The following SRD5A1 variants were observed in gnomAD, a reference collection of about 807,000 sequenced individuals.
SRD5A1 encodes steroid 5 alpha-reductase 1.
Under a neutral mutation model 28.2 loss-of-function variants are expected in SRD5A1, and 22 were observed. That is an observed-to-expected ratio of 0.78 (90% CI 0.56 to 1.12). The LOEUF is 1.12. SRD5A1 is among the 50% of genes most tolerant of loss of function. The pLI is 0.00. For synonymous variants in SRD5A1, 151 were observed against 135.0 expected, an observed-to-expected ratio of 1.12 and a Z score of -0.82; for missense variants, 300 against 346.7, an observed-to-expected ratio of 0.87 and a Z score of 1.07.
intron 3 of SRD5A1, among the ~76,000 whole-genome samples, chr5:6,662,545 G>A (rs112031423): frequency 5.3e-5 from 8 of 152,202 alleles, no homozygotes; most frequent in African/African-American, 1.7e-4. Flanking sequence ...ATCAGCAGGT[G>A]CACTGGTTTA....
At position 6,651,875 on chromosome 5, in the gene SRD5A1, A is replaced by T; in HGVS notation, c.327A>T (p.Gly109=). ...CLIYPFLMRG[G]KPMPLLACTM... Reference sequence around the variant, plus strand: ...TTTACCCATTTCTGATGCGAGGAGGAAAGCCTATGCCACTGTTGGCGTGTA... The same window carrying T: ...TTTACCCATTTCTGATGCGAGGAGGTAAGCCTATGCCACTGTTGGCGTGTA... Residue 109 remains glycine, a synonymous_variant, in exon 2 of 5, where the codon GGA becomes GGT. Transcript: ENST00000274192. The T allele has an allele frequency of 6.2e-7, 1 of 1,612,650 alleles. No individual in the cohort carries two copies. Among genetic ancestry groups the T allele is most frequent in the Non-Finnish European group, 8.5e-7 (1 of 1,179,404 alleles).
At chr5:6,662,444 T>G (rs867256962) in intron 3 of SRD5A1, among the ~76,000 whole-genome samples, 1 of 152,272 alleles carries the variant, frequency 6.6e-6, no homozygotes, top group African/African-American at 2.4e-5. Context: ...AATCTGTGCT[T>G]GAAAATGAAT....
At chr5:6,655,491 G>A (rs539468132) in intron 2 of SRD5A1, among the ~76,000 whole-genome samples, 3 of 152,360 alleles carry the variant, frequency 2.0e-5, no homozygotes, top group East Asian at 1.9e-4. Flanking sequence ...AGGACTGACC[G>A]AGCAATGCTG....
Position 6,669,603 on chromosome 5 carries a change from C to T in SRD5A1, c.*1335C>T, listed in dbSNP as rs748757197. On this transcript the variant is annotated 3_prime_UTR_variant, in exon 5 of 5. Coordinates refer to ENST00000274192, the MANE Select transcript of SRD5A1 (RefSeq NM_001047.4). The stretch of plus-strand genomic sequence containing the variant: ...TCTTTTACTAATTGTTACATCGAAA[C>T]ATTCTTTCATCATATTTCCTGTTTT... 1.4e-4 allele frequency: 22 copies of T among 152,198 alleles called. No homozygotes were observed. The highest frequency in any genetic ancestry group is 2.6e-4 in the Non-Finnish European group (18 of 68,026). 9.4% of individuals were successfully genotyped at this position (152,198 alleles called of 1,614,324 possible).
chr5:6,633,795 C>T lies in SRD5A1; in HGVS notation c.219C>T (p.Ser73=). Residue 73 remains serine, a synonymous_variant, in exon 1 of 5, where the codon AGC becomes AGT. Coordinates refer to ENST00000274192, the MANE Select transcript of SRD5A1 (RefSeq NM_001047.4). ...CCCTGCCGCTCTACCAGTACGCCAG[C>T]GAGTCCGCCCCGCGTCTCCGCAGCG... ...SLALPLYQYA[S]ESAPRLRSAP... 1 of 1,597,790 alleles carries T rather than the reference C, an allele frequency of 6.3e-7. No homozygotes were observed.
Position 6,633,734 on chromosome 5 carries a change from G to A in SRD5A1, c.158G>A (p.Arg53Gln), listed in dbSNP as rs1309203082. ...AGCCACAGGCTCCGAGTGCCGGCGC[G>A]GGCCGCCTGGGTGGTGCAGGAGCTG... ...LPSHRLRVPA[R>Q]AAWVVQELPS... The change falls in exon 1 of 5, where the codon CGG (arginine) becomes CAG (glutamine). Residue 53 changes from arginine to glutamine, a missense_variant. Coordinates refer to ENST00000274192, the MANE Select transcript of SRD5A1 (RefSeq NM_001047.4). The A allele has an allele frequency of 1.3e-6, 2 of 1,594,454 alleles. No individual in the cohort carries two copies. Among genetic ancestry groups the A allele is most frequent in the Non-Finnish European group, 1.7e-6 (2 of 1,178,034 alleles).
intron 1 of SRD5A1, among the ~76,000 whole-genome samples, chr5:6,642,558 T>C (rs1464326143): frequency 6.6e-6 from 1 of 152,212 alleles, no homozygotes; most frequent in Non-Finnish European, 1.5e-5. Flanking sequence ...TTTAATAGCA[T>C]GGAAAGTACA....
intron 3 of SRD5A1, among the ~76,000 whole-genome samples, chr5:6,661,530 CTTT>C (rs11402128): frequency 3.4e-5 from 4 of 118,260 alleles, no homozygotes; most frequent in Admixed American, 1.9e-4. Flanking sequence ...ATAGGTTTGT[CTTT>C]TTTTTTTTTT....
At chr5:6,658,851 C>A (rs1291975337) in intron 3 of SRD5A1, among the ~76,000 whole-genome samples, 1 of 151,972 alleles carries the variant, frequency 6.6e-6, no homozygotes, top group Non-Finnish European at 1.5e-5. Context: ...GTGGCTCACA[C>A]CTGTAATCCC....
chr5:6,659,145 GCT>G (rs1561002956), intron 3 of SRD5A1, among the ~76,000 whole-genome samples: 1 of 148,794 alleles, frequency 6.7e-6, no homozygotes, highest in African/African-American at 2.5e-5. Context: ...ACGGGGTCTC[GCT>G]CTGTCACCCA....
intron 3 of SRD5A1, among the ~76,000 whole-genome samples, chr5:6,659,658 C>T (rs962104925): frequency 1.3e-5 from 2 of 152,208 alleles, no homozygotes; most frequent in South Asian, 2.1e-4. Flanking sequence ...ATCATCTGCA[C>T]GTGCCATGAG....
chr5:6,671,094 GTGGCTCT>G lies in SRD5A1; in HGVS notation c.*2827_*2833del. 6.6e-6 allele frequency: 1 copy of G among 152,234 alleles called. No individual in the cohort carries two copies. Among genetic ancestry groups the G allele is most frequent in the South Asian group, 2.1e-4 (1 of 4,816 alleles). The allele number at this position is 152,234 out of a possible 1,614,324, so 9.4% of individuals were successfully genotyped here. ...AGGAATTTCCACACTGTTTTCCATG[GTGGCTCT>G]AATAGTTTACATTCCCACCAGCAGT... On this transcript the variant is annotated 3_prime_UTR_variant, in exon 5 of 5. Coordinates refer to ENST00000274192, the MANE Select transcript of SRD5A1 (RefSeq NM_001047.4).
At position 6,672,184 on chromosome 5, in the gene SRD5A1, C is replaced by T. The variant is rs1366007430; in HGVS notation, c.*3916C>T. The stretch of plus-strand genomic sequence containing the variant: ...GTGGCATGCCTCTGAGCAGATAATT[C>T]CAATAATCAATGTCAAACTAGATAT... On this transcript the variant is annotated 3_prime_UTR_variant, in exon 5 of 5. Coordinates refer to ENST00000274192, the MANE Select transcript of SRD5A1 (RefSeq NM_001047.4). 1 of 152,184 alleles carries T rather than the reference C, an allele frequency of 6.6e-6. No individual in the cohort carries two copies. The highest frequency in any genetic ancestry group is 1.5e-5 in the Non-Finnish European group (1 of 68,052). The allele number at this position is 152,184 out of a possible 1,614,324, so 9.4% of individuals were successfully genotyped here.
At chr5:6,643,778 G>A (rs1382788693) in intron 1 of SRD5A1, among the ~76,000 whole-genome samples, 10 of 152,084 alleles carry the variant, frequency 6.6e-5, no homozygotes, top group Admixed American at 3.9e-4. Context: ...TGAGCCGCCC[G>A]ATAACCTACT....
intron 2 of SRD5A1, among the ~76,000 whole-genome samples, chr5:6,655,106 G>A (rs966417428): frequency 3.3e-5 from 5 of 152,204 alleles, no homozygotes; most frequent in Non-Finnish European, 5.9e-5. Context: ...GGTTTTCCAT[G>A]TCCTTTTTCT....
intron 1 of SRD5A1, among the ~76,000 whole-genome samples, chr5:6,643,013 CAAGTTTGT>C (rs1738408744): frequency 6.8e-6 from 1 of 147,546 alleles, no homozygotes; most frequent in Non-Finnish European, 1.5e-5. Flanking sequence ...TACATTTTTA[CAAGTTTGT>C]AAGTTTGTAA....
intron 3 of SRD5A1, among the ~76,000 whole-genome samples, chr5:6,658,502 A>C (rs996403258): frequency 1.3e-5 from 2 of 152,100 alleles, no homozygotes; most frequent in African/African-American, 4.8e-5. Flanking sequence ...CTAGTAATCA[A>C]CCCAGCTTCC....
chr5:6,640,306 G>A (rs369759784), intron 1 of SRD5A1, among the ~76,000 whole-genome samples: 3 of 152,144 alleles, frequency 2.0e-5, no homozygotes, highest in African/African-American at 7.2e-5. Context: ...CTTTGATAAG[G>A]AACTATAAGA....
At chr5:6,635,792 A>T (rs1326722936) in intron 1 of SRD5A1, among the ~76,000 whole-genome samples, 2 of 152,230 alleles carry the variant, frequency 1.3e-5, no homozygotes, top group Non-Finnish European at 2.9e-5. Context: ...CTGACATCCC[A>T]AGTGGAAGCT....
Sources: allele counts gnomAD v4.1 joint callset (sites outside exome capture counted in the v4.1 genomes callset), GRCh38; gene constraint gnomAD v4.1.1; transcripts MANE v1.5; gene names NCBI Gene and HGNC (gene_info 2026-07-23, HGNC 2026-07-21).